PCMT1: variants seen among roughly 807,000 people sequenced by gnomAD.
PCMT1 encodes the protein protein-L-isoaspartate(D-aspartate) O-methyltransferase.
PCMT1 carries 9 observed loss-of-function variants against 29.2 expected under a neutral mutation model. The ratio of observed to expected loss-of-function variants is 0.31; its 90% CI spans 0.19 to 0.54. PCMT1 has a LOEUF of 0.54. Ranked by LOEUF, PCMT1 falls within the 20% of genes least tolerant of loss-of-function variation. The pLI is 0.95. For synonymous variants in PCMT1, 98 were observed against 97.5 expected (o/e 1.00, Z -0.03); for missense variants, 184 against 282.2 (o/e 0.65, Z 2.49).
chr6:149,768,102 T>TTTTCTTTTTTAA (rs1787166562), intron 1 of PCMT1, among the ~76,000 whole-genome samples: 1 of 151,920 alleles, frequency 6.6e-6, no homozygotes, highest in African/African-American at 2.4e-5. Context: ...CCTGTTTGTT[T>TTTTCTTTTTTAA]GTGTTTTGAG....
At chr6:149,752,534 AT>A (rs1391578390) in intron 1 of PCMT1, among the ~76,000 whole-genome samples, 1 of 152,150 alleles carries the variant, frequency 6.6e-6, no homozygotes, top group Non-Finnish European at 1.5e-5. Flanking sequence ...TGTCAGGTTC[AT>A]TTTATGGAAT....
At chr6:149,764,053 G>A (rs774424376) in intron 1 of PCMT1, among the ~76,000 whole-genome samples, 7 of 152,162 alleles carry the variant, frequency 4.6e-5, no homozygotes, top group Non-Finnish European at 7.3e-5. Flanking sequence ...TAGACTCAAT[G>A]GCTCCTAAAG....
chr6:149,774,176 A>G (rs1787452431), intron 3 of PCMT1, among the ~76,000 whole-genome samples: 1 of 152,038 alleles, frequency 6.6e-6, no homozygotes, highest in Non-Finnish European at 1.5e-5. Context: ...TTTAAATGTC[A>G]GTATTTGAAT....
Position 149,752,041 on chromosome 6 carries a change from T to TTTG in PCMT1, c.55+2087_55+2088insGTT, listed in dbSNP as rs1786343009. On this transcript the variant is annotated intron_variant, in intron 1 of 7. Coordinates refer to ENST00000464889, the MANE Select transcript of PCMT1 (RefSeq NM_001360452.2). ...ATACCAGGCTAATTTTTAGGGTTTT[T>TTTG]TTTTTTTTTTTGGTAGTTTATGAGA... Among the ~76,000 whole-genome samples the TTTG allele has an allele frequency of 8.0e-5, 12 of 149,982 alleles. No individual in the cohort carries two copies. In the Admixed American group the frequency reaches 8.0e-4, roughly 10 times the overall value.
At chr6:149,777,021 C>T (rs938364864) in intron 3 of PCMT1, among the ~76,000 whole-genome samples, 4 of 147,428 alleles carry the variant, frequency 2.7e-5, no homozygotes, top group African/African-American at 1.1e-4. Flanking sequence ...ATTATAATTA[C>T]AAAAAGCAAT....
intron 7 of PCMT1, among the ~76,000 whole-genome samples, chr6:149,809,223 C>T (rs1314225412): frequency 7.5e-6 from 1 of 132,862 alleles, no homozygotes; most frequent in Non-Finnish European, 1.5e-5. Context: ...CACACCACTG[C>T]ACTCCAGCCT....
At chr6:149,802,476 T>A (rs571422701) in intron 7 of PCMT1, 60 bp downstream of exon 7, 1 of 1,382,448 alleles carries the variant, frequency 7.2e-7, no homozygotes, top group East Asian at 2.5e-5. Flanking sequence ...TTGTCACCTT[T>A]ATGCTCCTCC....
intron 3 of PCMT1, among the ~76,000 whole-genome samples, chr6:149,782,791 CGA>C (rs1246807914): frequency 6.6e-6 from 1 of 151,412 alleles, no homozygotes; most frequent in East Asian, 1.9e-4. Flanking sequence ...GGGAAAAAAG[CGA>C]AAATGATTTT....
At chr6:149,806,096 ATCT>A (rs1213134306) in intron 7 of PCMT1, among the ~76,000 whole-genome samples, 1 of 152,038 alleles carries the variant, frequency 6.6e-6, no homozygotes, top group Non-Finnish European at 1.5e-5. Flanking sequence ...CAGCGTGAGG[ATCT>A]TCTTAATATT....
chr6:149,802,739 G>A (rs1415551397), intron 7 of PCMT1, among the ~76,000 whole-genome samples: 1 of 151,694 alleles, frequency 6.6e-6, no homozygotes, highest in East Asian at 1.9e-4. Flanking sequence ...GCACTGGATG[G>A]GCATGGAAAC....
chr6:149,761,708 C>T (rs570281244), intron 1 of PCMT1, among the ~76,000 whole-genome samples: 1 of 152,282 alleles, frequency 6.6e-6, no homozygotes, highest in East Asian at 1.9e-4. Flanking sequence ...CTGACACTAC[C>T]TCTTAACCCA....
At chr6:149,756,512 CTTTTTTTTTTTTTTTTTTTTT>C (rs61038108) in intron 1 of PCMT1, among the ~76,000 whole-genome samples, 1 of 74,720 alleles carries the variant, frequency 1.3e-5, no homozygotes, top group African/African-American at 5.4e-5. Flanking sequence ...CCATGACTGG[CTTTTTTTTTTTTTTTTTTTTT>C]TTTTTTTTTT....
chr6:149,796,615 A>T lies in PCMT1; in HGVS notation c.504+115A>T, dbSNP rs1385533078. ...ATATAATTAGACTTTTATATCATAC[A>T]TTTTGGTTACATTTAGCTGTTACTC... On this transcript the variant is annotated intron_variant, in intron 6 of 7. Transcript: ENST00000464889. 4.4e-6 allele frequency: 3 copies of T among 676,186 alleles called. No individual in the cohort carries two copies. In the Admixed American group the frequency reaches 9.5e-5, roughly 22 times the overall value. The allele number at this position is 676,186 out of a possible 1,614,324, so 41.9% of individuals were successfully genotyped here. A position where few individuals can be genotyped will look rare whatever the true frequency, so the allele number is the denominator to read the frequency against.
rs961497520 is a variant in PCMT1, at chr6:149,773,980, T to TTTTA, written c.192+831_192+834dup. On this transcript the variant is annotated intron_variant, in intron 3 of 7. Transcript: ENST00000464889. ...TTAATCTGTTGGGAATTTTCTTGGGTTTTATTTATTTATTTATTTATTTTT... is the reference window on the plus strand; with the variant it reads ...TTAATCTGTTGGGAATTTTCTTGGGTTTTATTTATTTATTTATTTATTTATTTTT... Among the ~76,000 whole-genome samples the TTTTA allele has an allele frequency of 8.6e-5, 13 of 151,918 alleles. No individual in the cohort carries two copies. In the South Asian group the frequency reaches 1.0e-3, roughly 12 times the overall value.
At chr6:149,805,322 A>G (rs568007402) in intron 7 of PCMT1, among the ~76,000 whole-genome samples, 261 of 152,298 alleles carry the variant, frequency 1.7e-3, no homozygotes, top group African/African-American at 4.6e-3. Flanking sequence ...GGCTGGGCGC[A>G]GTGGCTCACG....
chr6:149,777,881 T>C (rs1460593146), intron 3 of PCMT1, among the ~76,000 whole-genome samples: 10 of 147,890 alleles, frequency 6.8e-5, no homozygotes, highest in African/African-American at 2.5e-4. Context: ...TTCTTCTTTT[T>C]TTTTTTTTTT....
At chr6:149,772,650 A>G (rs761360976) in intron 2 of PCMT1, 48 of 437,806 alleles carry the variant, frequency 1.1e-4, no homozygotes, top group Admixed American at 6.4e-4. Flanking sequence ...TATATTTTCT[A>G]ATTTTAACTG....
intron 3 of PCMT1, among the ~76,000 whole-genome samples, chr6:149,781,451 T>A (rs953366386): frequency 1.4e-4 from 21 of 152,238 alleles, no homozygotes; most frequent in Non-Finnish European, 2.2e-4. Flanking sequence ...GGTCTTGAAC[T>A]CCTGACCTCG....
At chr6:149,759,111 G>C (rs576505530) in intron 1 of PCMT1, among the ~76,000 whole-genome samples, 1 of 152,120 alleles carries the variant, frequency 6.6e-6, no homozygotes, top group African/African-American at 2.4e-5. Context: ...TCTTGACCTC[G>C]TGATCTGCCC....
Sources: gnomAD v4.1 joint callset for allele counts (sites outside exome capture counted in the v4.1 genomes callset) on GRCh38, gnomAD v4.1.1 for gene constraint, MANE v1.5 for transcripts, NCBI Gene and HGNC (gene_info 2026-07-23, HGNC 2026-07-21) for gene names.